The following PATJ variants were observed in gnomAD, a reference collection of about 807,000 sequenced individuals.
PATJ encodes the protein PATJ crumbs cell polarity complex component.
Under a neutral mutation model 224.9 loss-of-function variants are expected in PATJ, and 190 were observed. The observed-to-expected ratio is 0.84, with a 90% CI of 0.75 to 0.95. The LOEUF (loss-of-function observed/expected upper bound fraction) is 0.95. PATJ is among the 40% of genes least tolerant of loss of function. The pLI is 0.00. For synonymous variants in PATJ, 769 were observed against 820.3 expected, an observed-to-expected ratio of 0.94 and a Z score of 1.07; for missense variants, 2,121 against 2,270.3, an observed-to-expected ratio of 0.93 and a Z score of 1.34.
At chr1:62,021,235 T>C (rs1343013866) in intron 29 of PATJ, among the ~76,000 whole-genome samples, 1 of 152,150 alleles carries the variant, frequency 6.6e-6, no homozygotes, top group African/African-American at 2.4e-5. Context: ...ATCTATTCCG[T>C]GTATCCTCAC....
At chr1:61,819,623 G>T (rs1348669681) in intron 14 of PATJ, among the ~76,000 whole-genome samples, 1 of 152,122 alleles carries the variant, frequency 6.6e-6, no homozygotes, top group Non-Finnish European at 1.5e-5. Flanking sequence ...GCGGTGGGGG[G>T]GCGCGGGTGG....
In PATJ at chr1:62,066,904, C is replaced by T. The variant is rs557827881; in HGVS notation, c.4126-12546C>T. 9.9e-5 allele frequency among the ~76,000 whole-genome samples: 15 copies of T among 152,108 alleles called. 1 individual carries two copies. The highest frequency in any genetic ancestry group is 3.6e-4 in the African/African-American group (15 of 41,504). On this transcript the variant is annotated intron_variant, in intron 31 of 43. Transcript: ENST00000642238. ...ACTGATCCACCTCTGGGTGGGGCCA[C>T]AGGATCAGTTGAATCATGAGTCACA... is the stretch of plus-strand genomic sequence containing the variant.
intron 27 of PATJ, among the ~76,000 whole-genome samples, chr1:61,943,920 G>A (rs1047263141): frequency 3.3e-5 from 5 of 152,314 alleles, no homozygotes; most frequent in South Asian, 2.1e-4. Context: ...AACATCTGCC[G>A]TTCTGCAGCC....
intron 27 of PATJ, among the ~76,000 whole-genome samples, chr1:61,960,877 G>T (rs2149423301): frequency 6.6e-6 from 1 of 152,208 alleles, no homozygotes; most frequent in South Asian, 2.1e-4. Flanking sequence ...TTGAGTTCTA[G>T]ACAGTTATAT....
At chr1:61,924,739 CA>C (rs1674856344) in intron 26 of PATJ, among the ~76,000 whole-genome samples, 1 of 152,150 alleles carries the variant, frequency 6.6e-6, no homozygotes, top group South Asian at 2.1e-4. Context: ...GAAAATATTT[CA>C]CACTCAAAAT....
intron 12 of PATJ, among the ~76,000 whole-genome samples, chr1:61,802,557 G>T (rs1652757673): frequency 6.6e-6 from 1 of 152,008 alleles, no homozygotes; most frequent in Non-Finnish European, 1.5e-5. Context: ...GAGATTATAG[G>T]CGTGAACCAC....
chr1:61,773,480 G>T (rs1270911775), intron 6 of PATJ, among the ~76,000 whole-genome samples: 4 of 144,248 alleles, frequency 2.8e-5, no homozygotes, highest in African/African-American at 1.0e-4. Context: ...CCAGCCTGGG[G>T]AACATAGTCA....
chr1:62,034,742 T>G (rs1237349326), intron 29 of PATJ, among the ~76,000 whole-genome samples: 1 of 152,184 alleles, frequency 6.6e-6, no homozygotes, highest in Admixed American at 6.6e-5. Flanking sequence ...GTGAGAGTAA[T>G]TGTCGGTTTT....
chr1:62,104,852 A>G (rs1662698879), intron 33 of PATJ, among the ~76,000 whole-genome samples: 1 of 151,916 alleles, frequency 6.6e-6, no homozygotes, highest in Non-Finnish European at 1.5e-5. Context: ...TTGTATTTTT[A>G]GTAGAGACGG....
At position 61,934,910 on chromosome 1, in the gene PATJ, C is replaced by T. The variant is rs565195384; in HGVS notation, c.3670+7081C>T. 5.9e-5 allele frequency among the ~76,000 whole-genome samples: 9 copies of T among 152,296 alleles called. No homozygotes were observed. In the East Asian group the frequency reaches 1.2e-3, roughly 20 times the overall value. On this transcript the variant is annotated intron_variant, in intron 27 of 43. Coordinates refer to ENST00000642238, the MANE Select transcript of PATJ (RefSeq NM_001350145.3). ...CCGAACCGCACCATCCACCTAGTTT[C>T]GGAGCATTCTGTGCAGAACAGCTTG...
chr1:61,923,780 GCTGTGGTGGC>G (rs1674684162), intron 26 of PATJ, among the ~76,000 whole-genome samples: 2 of 151,602 alleles, frequency 1.3e-5, no homozygotes, highest in Non-Finnish European at 2.9e-5. Context: ...AAATTAGCCG[GCTGTGGTGGC>G]ACATGCCTAT....
At chr1:62,019,002 TG>T (rs1646928011) in intron 29 of PATJ, among the ~76,000 whole-genome samples, 1 of 152,058 alleles carries the variant, frequency 6.6e-6, no homozygotes, top group Non-Finnish European at 1.5e-5. Flanking sequence ...CCCAGCACTT[TG>T]GGAGGATCAC....
intron 29 of PATJ, among the ~76,000 whole-genome samples, chr1:62,022,686 T>C (rs7556298): frequency 0.21 from 31,464 of 151,990 alleles, 3,852 homozygotes; most frequent in East Asian, 0.41. Context: ...TCACTCTCCA[T>C]TACTTAATTA....
chr1:61,991,751 T>C (rs1040838111), intron 28 of PATJ: 3 of 984,132 alleles, frequency 3.0e-6, no homozygotes, highest in Non-Finnish European at 2.4e-6. Flanking sequence ...ATAAATAAAG[T>C]CAAAGATGAC....
At position 62,071,426 on chromosome 1, in the gene PATJ, C is replaced by T. The variant is rs1410636545; in HGVS notation, c.4126-8024C>T. Reference sequence around the variant, plus strand: ...AATTATAGCTACTTTTATTTTTTTCCATTTTATGGATGGGGAAATTAAGGC... The same window carrying T: ...AATTATAGCTACTTTTATTTTTTTCTATTTTATGGATGGGGAAATTAAGGC... On this transcript the variant is annotated intron_variant, in intron 31 of 43. Transcript: ENST00000642238. Among the ~76,000 whole-genome samples, 4 of 151,274 alleles carry T rather than the reference C, an allele frequency of 2.6e-5. No homozygotes were observed. The South Asian group carries it at 8.3e-4, about 32-fold the overall frequency.
chr1:61,974,867 G>A (rs1209904580), intron 27 of PATJ, among the ~76,000 whole-genome samples: 1 of 152,062 alleles, frequency 6.6e-6, no homozygotes, highest in Non-Finnish European at 1.5e-5. Context: ...TAGTGTCCTT[G>A]ATTGTGAAGG....
At chr1:61,754,015 A>G (rs987098087) in intron 1 of PATJ, among the ~76,000 whole-genome samples, 6 of 152,238 alleles carry the variant, frequency 3.9e-5, no homozygotes, top group African/African-American at 1.4e-4. Flanking sequence ...CACATTCTAC[A>G]GTGAACCAGA....
chr1:61,981,303 A>G (rs1331094704), intron 27 of PATJ, among the ~76,000 whole-genome samples: 1 of 151,952 alleles, frequency 6.6e-6, no homozygotes, highest in Non-Finnish European at 1.5e-5. Flanking sequence ...TGTTACAAAG[A>G]TTCCTAAACC....
At chr1:61,783,451 CAG>C (rs1647796379) in intron 7 of PATJ, among the ~76,000 whole-genome samples, 1 of 130,260 alleles carries the variant, frequency 7.7e-6, no homozygotes, top group Non-Finnish European at 1.6e-5. Context: ...TAAATAGAGA[CAG>C]AGTCTTGCTC....
Sources: allele counts gnomAD v4.1 joint callset (sites outside exome capture counted in the v4.1 genomes callset), GRCh38; gene constraint gnomAD v4.1.1; transcripts MANE v1.5; gene names NCBI Gene and HGNC (gene_info 2026-07-23, HGNC 2026-07-21).